The following TUSC3 variants were observed in gnomAD, a reference collection of about 807,000 sequenced individuals.
TUSC3 encodes the protein dolichyl-diphosphooligosaccharide--protein glycosyltransferase subunit TUSC3.
A neutral mutation model predicts 44.8 loss-of-function variants in TUSC3; 45 were observed. The observed-to-expected ratio is 1.00, with a 90% confidence interval of 0.79 to 1.29. The LOEUF is 1.29. Among genes scored for constraint, TUSC3 ranks in the 50% most tolerant of loss-of-function variants. The pLI is 0.00. For synonymous variants in TUSC3, 212 were observed against 152.9 expected, an observed-to-expected ratio of 1.39 and a Z score of -2.85; for missense variants, 519 against 437.9, an observed-to-expected ratio of 1.19 and a Z score of -1.65.
chr8:15,623,765 C>A (rs1302884638), intron 2 of TUSC3, among the ~76,000 whole-genome samples: 1 of 151,954 alleles, frequency 6.6e-6, no homozygotes, highest in Non-Finnish European at 1.5e-5. Flanking sequence ...ACAACAAACA[C>A]TTTTTTAAAT....
At chr8:15,436,340 T>A (rs963990875) in intron 1 of TUSC3, among the ~76,000 whole-genome samples, 4 of 152,190 alleles carry the variant, frequency 2.6e-5, no homozygotes, top group African/African-American at 4.8e-5. Context: ...AATGAGAGCA[T>A]GTGGGATGGA....
rs140940782 is a variant in TUSC3, at chr8:15,718,582, A to G, written c.799-12084A>G. Reference sequence around the variant, plus strand: ...AGAGCTGTTGAATTTAACGATACACATCTTCTAAAGGAGAGAAATATAAAA... The same window carrying G: ...AGAGCTGTTGAATTTAACGATACACGTCTTCTAAAGGAGAGAAATATAAAA... On this transcript the variant is annotated intron_variant, in intron 6 of 10. Coordinates refer to ENST00000503731, the MANE Select transcript of TUSC3 (RefSeq NM_006765.4). 6.0e-3 allele frequency among the ~76,000 whole-genome samples: 907 copies of G among 152,240 alleles called. 12 individuals carry two copies. Among genetic ancestry groups the G allele is most frequent in the African/African-American group, 0.021 (863 of 41,554 alleles).
At chr8:15,522,042 T>C (rs77155891) in intron 2 of TUSC3, among the ~76,000 whole-genome samples, 1 of 152,344 alleles carries the variant, frequency 6.6e-6, no homozygotes, top group Admixed American at 6.5e-5. Flanking sequence ...CTCCCTTGCC[T>C]CTGATTCTTT....
the TUSC3 span, among the ~76,000 whole-genome samples, chr8:15,781,083 T>C: frequency 2.0e-5 from 3 of 152,292 alleles, no homozygotes; most frequent in East Asian, 5.8e-4. Flanking sequence ...GAGCAGGAGC[T>C]TAGCACTTCC....
intron 2 of TUSC3, among the ~76,000 whole-genome samples, chr8:15,523,182 C>A (rs914253010): frequency 6.6e-6 from 1 of 152,098 alleles, no homozygotes; most frequent in African/African-American, 2.4e-5. Flanking sequence ...TGCATGATGG[C>A]ATTAATCCAC....
chr8:15,646,720 A>G (rs1355248628), intron 2 of TUSC3, among the ~76,000 whole-genome samples: 1 of 152,108 alleles, frequency 6.6e-6, no homozygotes, highest in Non-Finnish European at 1.5e-5. Flanking sequence ...TCTGATTTGC[A>G]CACAGGTAGG....
intron 2 of TUSC3, among the ~76,000 whole-genome samples, chr8:15,500,227 T>C (rs910651952): frequency 3.3e-5 from 5 of 152,230 alleles, no homozygotes; most frequent in Non-Finnish European, 5.9e-5. Context: ...AGTCTCTGTA[T>C]GTCAACTGGG....
intron 2 of TUSC3, among the ~76,000 whole-genome samples, chr8:15,636,975 C>T (rs960368767): frequency 7.9e-5 from 12 of 152,088 alleles, no homozygotes; most frequent in Non-Finnish European, 1.6e-4. Flanking sequence ...GTTTTTTTGC[C>T]TTGTGGGCCA....
chr8:15,586,291 A>T (rs1803600032), intron 1 of TUSC3, among the ~76,000 whole-genome samples: 1 of 152,142 alleles, frequency 6.6e-6, no homozygotes, highest in South Asian at 2.1e-4. Context: ...AAGCTTGTAT[A>T]AGTCATTAGT....
chr8:15,779,253 G>A, the TUSC3 span, among the ~76,000 whole-genome samples: 4 of 152,126 alleles, frequency 2.6e-5, no homozygotes, highest in East Asian at 3.9e-4. Context: ...GAAACTATAT[G>A]ATTGGGGTCT....
intron 6 of TUSC3, among the ~76,000 whole-genome samples, chr8:15,711,460 G>C (rs1809847362): frequency 1.1e-5 from 1 of 89,804 alleles, no homozygotes; most frequent in South Asian, 3.3e-4. Flanking sequence ...AAACAAAAAG[G>C]TACGTGTGTG....
the TUSC3 span, among the ~76,000 whole-genome samples, chr8:15,829,951 A>G: frequency 1.3e-5 from 2 of 152,018 alleles, no homozygotes; most frequent in East Asian, 1.9e-4. Context: ...CACTCAACCA[A>G]TATCTATTTT....
the TUSC3 span, among the ~76,000 whole-genome samples, chr8:15,816,153 G>C: frequency 6.6e-6 from 1 of 152,148 alleles, no homozygotes; most frequent in Non-Finnish European, 1.5e-5. Context: ...CTGGAGGGAG[G>C]TTTAGGAGCT....
intron 1 of TUSC3, among the ~76,000 whole-genome samples, chr8:15,555,296 T>TA: frequency 8.1e-6 from 1 of 123,962 alleles, no homozygotes; most frequent in South Asian, 2.7e-4. Context: ...TTTTTTTTTT[T>TA]TTTTTTTTTT....
At chr8:15,835,402 T>A in the TUSC3 span, among the ~76,000 whole-genome samples, 874 of 152,258 alleles carry the variant, frequency 5.7e-3, 7 homozygotes, top group African/African-American at 0.02. Context: ...TTGGAATATA[T>A]CATTAGTTCA....
intron 2 of TUSC3, among the ~76,000 whole-genome samples, chr8:15,639,097 A>C (rs966076362): frequency 2.0e-5 from 3 of 147,516 alleles, no homozygotes; most frequent in African/African-American, 5.1e-5. Flanking sequence ...TCAGGGCTTC[A>C]GTGATGATGA....
intron 1 of TUSC3, among the ~76,000 whole-genome samples, chr8:15,482,796 G>T (rs1800680548): frequency 6.6e-6 from 1 of 152,130 alleles, no homozygotes; most frequent in Non-Finnish European, 1.5e-5. Flanking sequence ...GGAAAAAATA[G>T]GAAAAATCCA....
At position 15,503,874 on chromosome 8, in the gene TUSC3, G is replaced by C. The variant is rs558656197; in HGVS notation, n.189+20391G>C. Among the ~76,000 whole-genome samples the C allele has an allele frequency of 8.2e-4, 124 of 152,044 alleles. 2 individuals carry two copies. The South Asian group carries it at 0.026, about 31-fold the overall frequency. On this transcript the variant is annotated intron_variant and non_coding_transcript_variant, in intron 2 of 5. Transcript: ENST00000503191. Reference sequence around the variant, plus strand: ...AAAATGGTAATGGCTCCACAGCTGGGTGTGGTGGTGCACACCTGTAATCCT... The same window carrying C: ...AAAATGGTAATGGCTCCACAGCTGGCTGTGGTGGTGCACACCTGTAATCCT...
intron 1 of TUSC3, among the ~76,000 whole-genome samples, chr8:15,547,559 C>G (rs1287557288): frequency 6.6e-6 from 1 of 151,540 alleles, no homozygotes; most frequent in African/African-American, 2.4e-5. Context: ...AACAAGCAGA[C>G]AGGATACTAG....
Sources: allele counts gnomAD v4.1 joint callset (sites outside exome capture counted in the v4.1 genomes callset), GRCh38; gene constraint gnomAD v4.1.1; transcripts MANE v1.5; gene names NCBI Gene and HGNC (gene_info 2026-07-23, HGNC 2026-07-21).